PROM1: variants seen among roughly 807,000 people sequenced by gnomAD.
PROM1 encodes the protein prominin-1.
A neutral mutation model predicts 116.9 loss-of-function variants in PROM1; 105 were observed. The observed-to-expected ratio is 0.90, with a 90% CI of 0.77 to 1.06. The LOEUF (loss-of-function observed/expected upper bound fraction) is 1.06, where lower values mean the gene tolerates loss of function less well. PROM1 is among the 50% of genes least tolerant of loss of function. The pLI is 0.00. For synonymous variants in PROM1, 393 were observed against 387.0 expected, an observed-to-expected ratio of 1.02 and a Z score of -0.18; for missense variants, 1,122 against 1,045.2, an observed-to-expected ratio of 1.07 and a Z score of -1.01.
chr4:16,068,194 T>G (rs1039557775), intron 2 of PROM1, among the ~76,000 whole-genome samples: 1 of 152,154 alleles, frequency 6.6e-6, no homozygotes, highest in African/African-American at 2.4e-5. Flanking sequence ...AAACTCCCTG[T>G]TTTTGGTTAC....
At position 15,977,127 on chromosome 4, in the gene PROM1, G is replaced by A. The variant is rs144466820; in HGVS notation, c.2582+2268C>T. ...AACCATGGCTCCTCATAAACATCCT[G>A]CACTCCAAACTCCATTTGAGCACTG... On this transcript the variant is annotated intron_variant, in intron 26 of 27. Coordinates refer to ENST00000447510, the MANE Select transcript of PROM1 (RefSeq NM_006017.3). Among the ~76,000 whole-genome samples, 506 of 152,188 alleles carry A rather than the reference G, an allele frequency of 3.3e-3. 4 individuals are homozygous for A. The highest frequency in any genetic ancestry group is 0.012 in the African/African-American group (490 of 41,500).
intron 10 of PROM1, among the ~76,000 whole-genome samples, chr4:16,013,949 A>C (rs1193844479): frequency 2.6e-5 from 4 of 151,624 alleles, no homozygotes; most frequent in African/African-American, 9.7e-5. Flanking sequence ...TCTAAACGAA[A>C]AAAAAAAATG....
chr4:15,973,526 CACAG>C (rs1715219795), intron 26 of PROM1, among the ~76,000 whole-genome samples: 1 of 152,184 alleles, frequency 6.6e-6, no homozygotes, highest in Admixed American at 6.5e-5. Flanking sequence ...GAAGGTGGTT[CACAG>C]ACATATTTTG....
At chr4:16,082,123 G>T (rs1341459512) in intron 1 of PROM1, 1 of 152,148 alleles carries the variant, frequency 6.6e-6, no homozygotes, top group African/African-American at 2.4e-5. Flanking sequence ...CAGCTGGAAG[G>T]CTATCTGGGG....
intron 2 of PROM1, among the ~76,000 whole-genome samples, chr4:16,072,695 AT>A (rs1375629959): frequency 6.6e-6 from 1 of 152,216 alleles, no homozygotes; most frequent in African/African-American, 2.4e-5. Context: ...AAGATTAGAA[AT>A]TATGGTTTAG....
At chr4:16,065,427 GC>G (rs1375090228) in intron 2 of PROM1, among the ~76,000 whole-genome samples, 1 of 151,798 alleles carries the variant, frequency 6.6e-6, no homozygotes, top group Non-Finnish European at 1.5e-5. Flanking sequence ...TTCTCTGATT[GC>G]CCCCACCATG....
intron 2 of PROM1, among the ~76,000 whole-genome samples, chr4:16,040,047 C>T (rs1347090940): frequency 1.3e-5 from 2 of 152,116 alleles, no homozygotes; most frequent in African/African-American, 2.4e-5. Context: ...CTCTCTCTCA[C>T]CCCAGGAAGG....
intron 9 of PROM1, among the ~76,000 whole-genome samples, chr4:16,017,589 G>A (rs1397356189): frequency 1.3e-5 from 2 of 152,232 alleles, no homozygotes; most frequent in Non-Finnish European, 2.9e-5. Flanking sequence ...GGGAGGCTAA[G>A]GCAGGCAGAT....
In PROM1 at chr4:16,004,905, C is replaced by CCCTT. The variant is rs147785330; in HGVS notation, c.1454+1629_1454+1632dup. On this transcript the variant is annotated intron_variant, in intron 13 of 27. Coordinates refer to ENST00000447510, the MANE Select transcript of PROM1 (RefSeq NM_006017.3). ...TCTCTCTCCCTCCCCCTCTCTCTCTCCCTTCCTTCCTTCCTTCCTTCCTTC... is the reference window on the plus strand; with the variant it reads ...TCTCTCTCCCTCCCCCTCTCTCTCTCCCTTCCTTCCTTCCTTCCTTCCTTCCTTC... Among the ~76,000 whole-genome samples, 1,125 of 114,444 alleles carry CCCTT rather than the reference C, an allele frequency of 9.8e-3. 14 individuals carry two copies. The highest frequency in any genetic ancestry group is 0.031 in the African/African-American group (926 of 29,854). 75.1% of individuals were successfully genotyped at this position (114,444 alleles called of 152,430 possible). A position where few individuals can be genotyped will look rare whatever the true frequency, so the allele number is the denominator to read the frequency against.
chr4:16,026,998 A>T (rs1387834243), intron 5 of PROM1, among the ~76,000 whole-genome samples: 1 of 152,224 alleles, frequency 6.6e-6, no homozygotes, highest in African/African-American at 2.4e-5. Flanking sequence ...GTAATTAGAT[A>T]AATTAGATCC....
intron 27 of PROM1, among the ~76,000 whole-genome samples, chr4:15,970,415 T>C (rs1166809781): frequency 1.3e-5 from 2 of 152,010 alleles, no homozygotes; most frequent in Admixed American, 6.5e-5. Flanking sequence ...TCAAGTGATC[T>C]GCCCGCCTCG....
intron 26 of PROM1, among the ~76,000 whole-genome samples, chr4:15,979,022 G>GGAAGGAAGGAAGGAAAGAAA (rs1366155804): frequency 1.4e-4 from 21 of 150,382 alleles, no homozygotes; most frequent in Non-Finnish European, 8.8e-5. Context: ...AAGGAAGGAA[G>GGAAGGAAGGAAGGAAAGAAA]GAAGGAAGGA....
intron 8 of PROM1, 54 bp from the exon 9 acceptor site, chr4:16,018,594 C>G (rs2149305989): frequency 6.7e-7 from 1 of 1,498,482 alleles, no homozygotes; most frequent in Admixed American, 1.9e-5. Context: ...TCCTCATCTA[C>G]AAAAGTGTGT....
chr4:16,035,178 G>A (rs2149390486), intron 4 of PROM1, among the ~76,000 whole-genome samples: 1 of 152,238 alleles, frequency 6.6e-6, no homozygotes, highest in Non-Finnish European at 1.5e-5. Flanking sequence ...CCTTCCTCGA[G>A]GACCAATACC....
At chr4:15,977,600 C>CTTTA (rs554449226) in intron 26 of PROM1, among the ~76,000 whole-genome samples, 31 of 152,194 alleles carry the variant, frequency 2.0e-4, no homozygotes, top group African/African-American at 6.7e-4. Flanking sequence ...CATTTCATGA[C>CTTTA]TTTATTTATT....
At chr4:16,049,343 G>A (rs2149462138) in intron 2 of PROM1, among the ~76,000 whole-genome samples, 1 of 152,302 alleles carries the variant, frequency 6.6e-6, no homozygotes, top group East Asian at 1.9e-4. Flanking sequence ...CATGGAAAAA[G>A]GCTCAGCTGT....
chr4:16,016,730 T>C (rs1728492189), intron 9 of PROM1, among the ~76,000 whole-genome samples: 1 of 152,166 alleles, frequency 6.6e-6, no homozygotes, highest in Non-Finnish European at 1.5e-5. Context: ...ATAATATCAC[T>C]ACTGTGATAG....
rs566778478 is a variant in PROM1, at chr4:16,068,814, C to T, written c.220+6873G>A. ...CAAATTCCATGGAAACAAGGCTTAA[C>T]TCCCCACCTTCCTCACTTCTACCAA... On this transcript the variant is annotated intron_variant, in intron 2 of 27. Transcript: ENST00000447510. Among the ~76,000 whole-genome samples, 22 of 152,286 alleles carry T rather than the reference C, an allele frequency of 1.4e-4. No homozygotes were observed. The South Asian group carries it at 1.9e-3, about 13-fold the overall frequency.
At chr4:15,983,031 G>T (rs1281298004) in intron 23 of PROM1, among the ~76,000 whole-genome samples, 3 of 152,210 alleles carry the variant, frequency 2.0e-5, no homozygotes, top group Non-Finnish European at 2.9e-5. Flanking sequence ...CAGGGACACA[G>T]CCTTGAATGC....
Sources: gnomAD v4.1 joint callset for allele counts (sites outside exome capture counted in the v4.1 genomes callset) on GRCh38, gnomAD v4.1.1 for gene constraint, MANE v1.5 for transcripts, NCBI Gene and HGNC (gene_info 2026-07-23, HGNC 2026-07-21) for gene names.